GMDS: variants seen among roughly 807,000 people sequenced by gnomAD.
GMDS encodes the protein GDP-mannose 4,6 dehydratase.
In GMDS, 20 loss-of-function variants were observed where a neutral mutation model predicts 49.9. That is an observed-to-expected ratio of 0.40 (90% CI 0.28 to 0.58). The LOEUF is 0.58. Ranked by LOEUF, GMDS falls within the 20% of genes least tolerant of loss-of-function variation. The pLI, the probability that GMDS is intolerant of heterozygous loss-of-function variation, is 0.42. For missense variants in GMDS, 362 were observed against 481.4 expected (o/e 0.75, Z 2.32); for synonymous variants, 177 against 178.6 (o/e 0.99, Z 0.07).
chr6:1,942,920 T>G (rs3800144), intron 6 of GMDS, among the ~76,000 whole-genome samples: 16,679 of 152,298 alleles, frequency 0.11, 973 homozygotes, highest in South Asian at 0.19. Context: ...TATCATTTTC[T>G]TTACTGGATT....
chr6:2,048,221 T>C (rs888560431), intron 4 of GMDS, among the ~76,000 whole-genome samples: 1 of 152,252 alleles, frequency 6.6e-6, no homozygotes, highest in Admixed American at 6.5e-5. Context: ...GAAAATATTC[T>C]ACTCTATCAT....
At chr6:1,719,686 A>G (rs1385971231) in intron 9 of GMDS, among the ~76,000 whole-genome samples, 1 of 152,022 alleles carries the variant, frequency 6.6e-6, no homozygotes, top group Non-Finnish European at 1.5e-5. Context: ...GCCAAAGATG[A>G]AAATAAAGAT....
rs1204529489 is a variant in GMDS, at chr6:1,930,478, T to C, written c.644-248A>G. The C allele has an allele frequency of 8.7e-6, 3 of 346,424 alleles. No individual in the cohort carries two copies. The Admixed American group carries it at 1.4e-4, about 17-fold the overall frequency. 21.5% of individuals were successfully genotyped at this position (346,424 alleles called of 1,614,324 possible). On this transcript the variant is annotated intron_variant, in intron 6 of 10. Coordinates refer to ENST00000380815, the MANE Select transcript of GMDS (RefSeq NM_001500.4). Reference sequence around the variant, plus strand: ...AACAAACGTTTTTCTTTGGGGGACATCTTAACATTCCTAATTTGTTGCTTC... The same window carrying C: ...AACAAACGTTTTTCTTTGGGGGACACCTTAACATTCCTAATTTGTTGCTTC...
At chr6:1,844,592 G>C (rs1403817838) in intron 7 of GMDS, among the ~76,000 whole-genome samples, 8 of 151,994 alleles carry the variant, frequency 5.3e-5, no homozygotes, top group African/African-American at 1.9e-4. Flanking sequence ...TCAAAACTTT[G>C]TAACAAGAAA....
intron 4 of GMDS, among the ~76,000 whole-genome samples, chr6:1,985,263 T>C (rs1581465291): frequency 6.6e-6 from 1 of 152,132 alleles, no homozygotes; most frequent in African/African-American, 2.4e-5. Context: ...GCCACCAATA[T>C]AGAACTAGTT....
At chr6:1,961,191 A>T (rs1426842151) in intron 4 of GMDS, among the ~76,000 whole-genome samples, 2 of 152,180 alleles carry the variant, frequency 1.3e-5, no homozygotes, top group Non-Finnish European at 2.9e-5. Flanking sequence ...GAACACTTTA[A>T]CCGCCCTTCT....
intron 9 of GMDS, among the ~76,000 whole-genome samples, chr6:1,723,576 G>T (rs145755412): frequency 2.2e-5 from 3 of 137,516 alleles, no homozygotes; most frequent in African/African-American, 8.4e-5. Context: ...TGATCCACCC[G>T]CCTCGGCCTC....
chr6:1,731,284 G>A (rs1387349205), intron 8 of GMDS, among the ~76,000 whole-genome samples: 1 of 152,228 alleles, frequency 6.6e-6, no homozygotes, highest in African/African-American at 2.4e-5. Context: ...TCCAGAAAGA[G>A]AGTACAGAAA....
intron 4 of GMDS, among the ~76,000 whole-genome samples, chr6:2,045,982 AG>A (rs1394574933): frequency 6.6e-6 from 1 of 152,186 alleles, no homozygotes; most frequent in East Asian, 1.9e-4. Context: ...AGGCCAAGGC[AG>A]GAGGATCACT....
At chr6:2,040,839 C>G (rs1166199490) in intron 4 of GMDS, among the ~76,000 whole-genome samples, 1 of 152,202 alleles carries the variant, frequency 6.6e-6, no homozygotes, top group Non-Finnish European at 1.5e-5. Flanking sequence ...AGATCAAACC[C>G]TGTTATCCTC....
intron 7 of GMDS, among the ~76,000 whole-genome samples, chr6:1,901,257 C>T (rs564656785): frequency 6.6e-6 from 1 of 152,304 alleles, no homozygotes; most frequent in African/African-American, 2.4e-5. Context: ...TTTCTCTCCA[C>T]GACCGTGGAA....
At chr6:1,878,707 T>C (rs1354335281) in intron 7 of GMDS, among the ~76,000 whole-genome samples, 1 of 152,174 alleles carries the variant, frequency 6.6e-6, no homozygotes, top group Non-Finnish European at 1.5e-5. Flanking sequence ...AATATAAATA[T>C]GAAGTATAAA....
chr6:1,853,346 G>A (rs370482454), intron 7 of GMDS, among the ~76,000 whole-genome samples: 2,304 of 148,138 alleles, frequency 0.016, 55 homozygotes, highest in African/African-American at 0.054. Context: ...GTGAAACCCC[G>A]TCTCTACTAA....
intron 4 of GMDS, among the ~76,000 whole-genome samples, chr6:2,078,299 T>C (rs1051327279): frequency 1.3e-5 from 2 of 152,098 alleles, no homozygotes; most frequent in African/African-American, 4.8e-5. Context: ...CATTATTTCT[T>C]TCTTTCTCCT....
intron 4 of GMDS, among the ~76,000 whole-genome samples, chr6:2,065,081 CA>C (rs1250118841): frequency 5.9e-5 from 9 of 152,052 alleles, no homozygotes; most frequent in Non-Finnish European, 1.2e-4. Flanking sequence ...GATCTGAGGA[CA>C]GGCAGACTGC....
intron 1 of GMDS, among the ~76,000 whole-genome samples, chr6:2,159,514 CTT>C (rs1157303919): frequency 9.2e-6 from 1 of 108,200 alleles, no homozygotes; most frequent in Non-Finnish European, 1.9e-5. Flanking sequence ...TTCTTTTTTT[CTT>C]TTTTTTTTTT....
intron 4 of GMDS, among the ~76,000 whole-genome samples, chr6:1,972,262 G>GTTTTTTTTTTTTTTTTT (rs5873825): frequency 1.5e-5 from 2 of 133,662 alleles, no homozygotes; most frequent in Non-Finnish European, 3.2e-5. Flanking sequence ...CTGGGTTTTT[G>GTTTTTTTTTTTTTTTTT]TTTTTTTTTT....
chr6:1,732,377 G>T lies in GMDS; in HGVS notation c.891-5865C>A, dbSNP rs377257763. On this transcript the variant is annotated intron_variant, in intron 8 of 10. Coordinates refer to ENST00000380815, the MANE Select transcript of GMDS (RefSeq NM_001500.4). ...AAGATAAAATACATGTGGTTTACTG[G>T]AATGCATAGCATTCGTCAGTCATGG... Among the ~76,000 whole-genome samples the T allele has an allele frequency of 2.2e-4, 33 of 152,220 alleles. No individual in the cohort carries two copies. The South Asian group carries it at 6.6e-3, about 31-fold the overall frequency.
At chr6:2,164,966 T>C (rs944105095) in intron 1 of GMDS, among the ~76,000 whole-genome samples, 7 of 152,218 alleles carry the variant, frequency 4.6e-5, no homozygotes, top group Admixed American at 2.6e-4. Context: ...AGATCCTTGA[T>C]TGCTTTAAGT....
Sources: allele counts gnomAD v4.1 joint callset (sites outside exome capture counted in the v4.1 genomes callset), GRCh38; gene constraint gnomAD v4.1.1; transcripts MANE v1.5; gene names NCBI Gene and HGNC (gene_info 2026-07-23, HGNC 2026-07-21).